The following PPP3CA variants were observed in gnomAD, a reference collection of about 807,000 sequenced individuals.
PPP3CA encodes the protein protein phosphatase 3 catalytic subunit alpha, also known as CAM-PRP catalytic subunit.
In PPP3CA, 14 loss-of-function variants were observed where a neutral mutation model predicts 66.5. That is an observed-to-expected ratio of 0.21 (90% confidence interval 0.14 to 0.33). The LOEUF is 0.33. PPP3CA is among the 10% of genes least tolerant of loss of function. The pLI is 1.00. For missense variants in PPP3CA, 317 were observed against 639.5 expected (o/e 0.50, Z 5.44); for synonymous variants, 232 against 226.2 (o/e 1.03, Z -0.23).
At chr4:101,281,991 T>C (rs1727698804) in intron 1 of PPP3CA, among the ~76,000 whole-genome samples, 1 of 152,196 alleles carries the variant, frequency 6.6e-6, no homozygotes, top group African/African-American at 2.4e-5. Flanking sequence ...CATGGAGCTT[T>C]CCATATCTAC....
chr4:101,106,447 A>AG (rs1273890435), intron 3 of PPP3CA, among the ~76,000 whole-genome samples: 87 of 6,236 alleles, frequency 0.014, 19 homozygotes, highest in African/African-American at 0.034. Flanking sequence ...GAAAGAAAGA[A>AG]AGAAAGAGAA....
chr4:101,247,418 T>C (rs777135928), intron 1 of PPP3CA, among the ~76,000 whole-genome samples: 3 of 152,106 alleles, frequency 2.0e-5, no homozygotes, highest in Non-Finnish European at 4.4e-5. Flanking sequence ...CACCTCAGCC[T>C]CCCAAAGTGC....
chr4:101,247,381 C>T (rs572547660), intron 1 of PPP3CA, among the ~76,000 whole-genome samples: 2 of 152,072 alleles, frequency 1.3e-5, no homozygotes, highest in South Asian at 4.2e-4. Flanking sequence ...AGGCTGGTCT[C>T]GAACTCCTGG....
At chr4:101,305,642 G>T (rs1244450708) in intron 1 of PPP3CA, among the ~76,000 whole-genome samples, 1 of 152,030 alleles carries the variant, frequency 6.6e-6, no homozygotes, top group Admixed American at 6.6e-5. Flanking sequence ...TTATATAAAG[G>T]TAAATGAAAT....
intron 10 of PPP3CA, 106 bp downstream of exon 10, chr4:101,060,981 G>A (rs111624136): frequency 1.6e-4 from 153 of 958,426 alleles, no homozygotes; most frequent in South Asian, 8.8e-4. Context: ...ATAATGTTAC[G>A]TTTTAAACAT....
rs554377387 is a variant in PPP3CA at position 101,283,756 on chromosome 4, C to T, written c.58+62983G>A. 2.0e-5 allele frequency among the ~76,000 whole-genome samples: 3 copies of T among 152,156 alleles called. No homozygotes were observed. In the South Asian group the frequency reaches 6.2e-4, roughly 32 times the overall value. On this transcript the variant is annotated intron_variant, in intron 1 of 13. Transcript: ENST00000394854. ...CAGATTTTCTCTCCCTGGAAGATGCCATTGTTATCTGATAAATCCAGGTTG... is the reference window on the plus strand; with the variant it reads ...CAGATTTTCTCTCCCTGGAAGATGCTATTGTTATCTGATAAATCCAGGTTG...
At chr4:101,136,598 C>A (rs1049049852) in intron 2 of PPP3CA, among the ~76,000 whole-genome samples, 8 of 151,456 alleles carry the variant, frequency 5.3e-5, no homozygotes, top group African/African-American at 1.9e-4. Context: ...AGTATTATAA[C>A]AAGGATTTTG....
At chr4:101,284,749 C>T (rs112801799) in intron 1 of PPP3CA, among the ~76,000 whole-genome samples, 6 of 151,996 alleles carry the variant, frequency 3.9e-5, no homozygotes, top group African/African-American at 1.4e-4. Context: ...CTAAAAGGCA[C>T]AGAAAACATT....
At chr4:101,181,754 C>T (rs1350369192) in intron 2 of PPP3CA, among the ~76,000 whole-genome samples, 1 of 151,952 alleles carries the variant, frequency 6.6e-6, no homozygotes, top group Non-Finnish European at 1.5e-5. Flanking sequence ...ATGAATTTGC[C>T]ATGAGAGGCA....
chr4:101,285,045 A>G (rs576452527), intron 1 of PPP3CA, among the ~76,000 whole-genome samples: 1 of 152,178 alleles, frequency 6.6e-6, no homozygotes, highest in Non-Finnish European at 1.5e-5. Context: ...CAGCAAGAAA[A>G]CCACACAAAC....
intron 10 of PPP3CA, among the ~76,000 whole-genome samples, chr4:101,056,774 C>A (rs1190534772): frequency 6.7e-6 from 1 of 148,244 alleles, no homozygotes; most frequent in Non-Finnish European, 1.5e-5. Flanking sequence ...CTACAGGCTG[C>A]AGGCAGGAAG....
At position 101,106,441 on chromosome 4, in the gene PPP3CA, G is replaced by GA. The variant is rs1314437086; in HGVS notation, c.384+2512dup. ...AGAAAGAAAGAAAGAAAGAAAGAAA[G>GA]AAAGAAAGAAAGAGAAAAGAAAAGA... On this transcript the variant is annotated intron_variant, in intron 3 of 13. Transcript: ENST00000394854. Among the ~76,000 whole-genome samples the GA allele has an allele frequency of 7.1e-4, 8 of 11,304 alleles. 2 individuals are homozygous for GA. The highest frequency in any genetic ancestry group is 2.5e-3 in the African/African-American group (8 of 3,200). The allele number at this position is 11,304 out of a possible 152,430, so 7.4% of individuals were successfully genotyped here.
At chr4:101,222,734 T>C (rs1390683611) in intron 1 of PPP3CA, among the ~76,000 whole-genome samples, 1 of 151,702 alleles carries the variant, frequency 6.6e-6, no homozygotes, top group Non-Finnish European at 1.5e-5. Context: ...TATGAGGATC[T>C]ACTCTTAATC....
intron 1 of PPP3CA, among the ~76,000 whole-genome samples, chr4:101,232,364 T>C (rs916784095): frequency 2.6e-5 from 4 of 151,724 alleles, no homozygotes; most frequent in East Asian, 1.9e-4. Flanking sequence ...TTTTTTTATA[T>C]AGTCTGTCAG....
chr4:101,087,482 C>T (rs1255073832), intron 6 of PPP3CA, among the ~76,000 whole-genome samples: 2 of 152,150 alleles, frequency 1.3e-5, no homozygotes, highest in African/African-American at 2.4e-5. Flanking sequence ...CTGTCACCTC[C>T]TCTCTATGGG....
At chr4:101,210,271 T>C (rs550239750) in intron 1 of PPP3CA, among the ~76,000 whole-genome samples, 2 of 152,294 alleles carry the variant, frequency 1.3e-5, no homozygotes, top group East Asian at 3.9e-4. Flanking sequence ...ATGGTCCGGC[T>C]ATAATCAATT....
At chr4:101,199,484 G>C (rs1423224471) in intron 1 of PPP3CA, among the ~76,000 whole-genome samples, 1 of 152,162 alleles carries the variant, frequency 6.6e-6, no homozygotes, top group Non-Finnish European at 1.5e-5. Flanking sequence ...GTAACTGCCT[G>C]TAAGCACAGA....
chr4:101,134,177 T>C (rs1722539866), intron 2 of PPP3CA, among the ~76,000 whole-genome samples: 1 of 152,120 alleles, frequency 6.6e-6, no homozygotes, highest in African/African-American at 2.4e-5. Flanking sequence ...ATTCAGGACG[T>C]CGGCAAAGAC....
chr4:101,216,638 G>A (rs1380621457), intron 1 of PPP3CA, among the ~76,000 whole-genome samples: 1 of 151,958 alleles, frequency 6.6e-6, no homozygotes, highest in Non-Finnish European at 1.5e-5. Flanking sequence ...CCCCAGTGCA[G>A]GTGATCCTCC....
Sources: gnomAD v4.1 joint callset for allele counts (sites outside exome capture counted in the v4.1 genomes callset) on GRCh38, gnomAD v4.1.1 for gene constraint, MANE v1.5 for transcripts, NCBI Gene and HGNC (gene_info 2026-07-23, HGNC 2026-07-21) for gene names.